OTUD7A: variants seen among roughly 807,000 people sequenced by gnomAD.
The protein encoded by OTUD7A is OTU domain-containing protein 7A.
In OTUD7A, 12 loss-of-function variants were observed where a neutral mutation model predicts 65.7. The ratio of observed to expected loss-of-function variants is 0.18; its 90% CI spans 0.12 to 0.30. OTUD7A has a LOEUF of 0.30. Among genes scored for constraint, OTUD7A ranks in the 10% least tolerant of loss-of-function variants. The probability of loss-of-function intolerance (pLI) is 1.00; values close to 1 mark genes in which losing one functional copy is unlikely to be tolerated. For synonymous variants in OTUD7A, 641 were observed against 586.3 expected, an observed-to-expected ratio of 1.09 and a Z score of -1.35; for missense variants, 1,148 against 1,304.8, an observed-to-expected ratio of 0.88 and a Z score of 1.85.
intron 1 of OTUD7A, among the ~76,000 whole-genome samples, chr15:31,839,925 G>A (rs1897144359): frequency 6.8e-6 from 1 of 147,272 alleles, no homozygotes; most frequent in African/African-American, 2.5e-5. Context: ...ATGATATTTT[G>A]GAAGTTGTAT....
chr15:31,531,303 G>A (rs77261245), intron 5 of OTUD7A, among the ~76,000 whole-genome samples: 2,464 of 152,080 alleles, frequency 0.016, 60 homozygotes, highest in African/African-American at 0.056. Flanking sequence ...TAGATCAGAT[G>A]TACTTTTTCC....
intron 3 of OTUD7A, among the ~76,000 whole-genome samples, chr15:31,588,301 T>C (rs1163438214): frequency 6.6e-6 from 1 of 152,196 alleles, no homozygotes. Context: ...CTCCATTTAT[T>C]TGAAGGCCAA....
At chr15:31,558,939 A>C in intron 5 of OTUD7A, 30 bp downstream of exon 5, 1 of 1,608,602 alleles carries the variant, frequency 6.2e-7, no homozygotes, top group South Asian at 1.1e-5. Context: ...AAGCCTAAAG[A>C]GGGTGGGCCT....
chr15:31,866,691 T>G (rs2141022876), intron 1 of OTUD7A, among the ~76,000 whole-genome samples: 1 of 152,304 alleles, frequency 6.6e-6, no homozygotes, highest in South Asian at 2.1e-4. Context: ...CCAGCATATC[T>G]TATTCCCATT....
intron 1 of OTUD7A, among the ~76,000 whole-genome samples, chr15:31,863,550 A>G (rs1897799838): frequency 6.6e-6 from 1 of 152,178 alleles, no homozygotes; most frequent in African/African-American, 2.4e-5. Context: ...CCACCCTCTG[A>G]AGTCACAGCC....
intron 4 of OTUD7A, among the ~76,000 whole-genome samples, chr15:31,565,930 C>A (rs187494734): frequency 1.1e-3 from 175 of 152,244 alleles, no homozygotes; most frequent in African/African-American, 4.0e-3. Flanking sequence ...CGGTGGCTCA[C>A]GCCTGTAATC....
At chr15:31,605,377 T>C (rs2141215865) in intron 3 of OTUD7A, among the ~76,000 whole-genome samples, 1 of 152,252 alleles carries the variant, frequency 6.6e-6, no homozygotes, top group South Asian at 2.1e-4. Flanking sequence ...CTGGGGACAG[T>C]GGCCACGCAT....
At chr15:31,807,831 A>C (rs2140956603) in intron 1 of OTUD7A, among the ~76,000 whole-genome samples, 1 of 152,152 alleles carries the variant, frequency 6.6e-6, no homozygotes, top group East Asian at 1.9e-4. Context: ...CCACAAATAC[A>C]CTGAAGCCTC....
chr15:31,856,819 G>A (rs1897586678), intron 1 of OTUD7A, among the ~76,000 whole-genome samples: 1 of 152,198 alleles, frequency 6.6e-6, no homozygotes, highest in South Asian at 2.1e-4. Context: ...TGCCCAACGG[G>A]TCCAGATTGT....
chr15:31,767,685 C>A, intron 1 of OTUD7A: 1 of 734,556 alleles, frequency 1.4e-6, no homozygotes. Context: ...CTATCATCAA[C>A]TGCATTTTCT....
chr15:31,722,997 A>T (rs1893782205), intron 1 of OTUD7A, among the ~76,000 whole-genome samples: 1 of 152,224 alleles, frequency 6.6e-6, no homozygotes. Context: ...GGAGTGCCTC[A>T]GCGTTGCTGG....
chr15:31,640,102 T>C (rs1891466670), intron 3 of OTUD7A, among the ~76,000 whole-genome samples: 1 of 152,174 alleles, frequency 6.6e-6, no homozygotes, highest in Non-Finnish European at 1.5e-5. Context: ...TTAAAAAGAT[T>C]TTCTCATGAA....
At chr15:31,774,614 A>AG (rs1216577218) in intron 1 of OTUD7A, among the ~76,000 whole-genome samples, 3 of 152,168 alleles carry the variant, frequency 2.0e-5, no homozygotes, top group African/African-American at 7.2e-5. Flanking sequence ...GCATCTCCAG[A>AG]GGGGGATCTC....
chr15:31,562,717 G>A (rs1184612648), intron 4 of OTUD7A, among the ~76,000 whole-genome samples: 1 of 152,132 alleles, frequency 6.6e-6, no homozygotes, highest in Admixed American at 6.5e-5. Context: ...TTTCCTAAAG[G>A]GTGAGACAGA....
At chr15:31,813,268 GCA>G (rs1280236699) in intron 1 of OTUD7A, among the ~76,000 whole-genome samples, 1 of 115,914 alleles carries the variant, frequency 8.6e-6, no homozygotes, top group African/African-American at 2.9e-5. Context: ...CATGGATCAG[GCA>G]CAGAGTGTTC....
chr15:31,631,284 G>C (rs987523044), intron 3 of OTUD7A, among the ~76,000 whole-genome samples: 35 of 152,278 alleles, frequency 2.3e-4, no homozygotes, highest in Non-Finnish European at 4.3e-4. Flanking sequence ...GGCAGACCTG[G>C]TGGTGACAAA....
At chr15:31,536,627 C>T (rs555061588) in intron 5 of OTUD7A, among the ~76,000 whole-genome samples, 27 of 152,244 alleles carry the variant, frequency 1.8e-4, no homozygotes, top group African/African-American at 5.8e-4. Context: ...CTAAAGAAAA[C>T]GTGTAAATAC....
Position 31,595,128 on chromosome 15 carries a change from G to A in OTUD7A, c.152-24931C>T, listed in dbSNP as rs147167086. ...GCATTCTTGGTCATTAGAACATCAC[G>A]GTCAAACTGTGCCCTGGGCCTGTGT... On this transcript the variant is annotated intron_variant, in intron 3 of 12. Coordinates refer to ENST00000307050, the MANE Select transcript of OTUD7A (RefSeq NM_001382637.1). Among the ~76,000 whole-genome samples the A allele has an allele frequency of 3.5e-3, 535 of 152,202 alleles. 4 individuals carry two copies. Among genetic ancestry groups the A allele is most frequent in the African/African-American group, 0.012 (516 of 41,544 alleles).
Position 31,487,062 on chromosome 15 carries a change from A to G in OTUD7A, c.1371+132T>C. On this transcript the variant is annotated intron_variant, in intron 12 of 12. Coordinates refer to ENST00000307050, the MANE Select transcript of OTUD7A (RefSeq NM_001382637.1). This position sits in a 1 kb window ranked among gnomAD's most constrained non-coding sequence, Gnocchi z 6.0. ...GTGGAGGAGCTACTGGGCTGTGGGT[A>G]TGGCTGGGGTGGGCGGCCGGGCAGG... 2.4e-6 allele frequency: 2 copies of G among 819,538 alleles called. No individual in the cohort carries two copies. The highest frequency in any genetic ancestry group is 3.9e-6 in the Non-Finnish European group (2 of 516,892). The allele number at this position is 819,538 out of a possible 1,614,324, so 50.8% of individuals were successfully genotyped here. A position where few individuals can be genotyped will look rare whatever the true frequency, so the allele number is the denominator to read the frequency against.
Sources: gnomAD v4.1 joint callset for allele counts (sites outside exome capture counted in the v4.1 genomes callset) on GRCh38, gnomAD v4.1.1 for gene constraint, Gnocchi (gnomAD v3.1) non-coding constraint, MANE v1.5 for transcripts, NCBI Gene and HGNC (gene_info 2026-07-23, HGNC 2026-07-21) for gene names.